Variants in C8orf34 observed in about 807,000 individuals in gnomAD.
C8orf34 encodes uncharacterized protein C8orf34.
Under a neutral mutation model 68.3 loss-of-function variants are expected in C8orf34, and 65 were observed. The observed-to-expected ratio is 0.95, with a 90% CI of 0.78 to 1.17. C8orf34 has a LOEUF of 1.17. Ranked by LOEUF, C8orf34 falls within the 50% of genes most tolerant of loss-of-function variation. C8orf34 has a pLI of 0.00. For synonymous variants in C8orf34, 244 were observed against 241.2 expected (o/e 1.01, Z -0.11); for missense variants, 664 against 655.4 (o/e 1.01, Z -0.14).
intron 7 of C8orf34, among the ~76,000 whole-genome samples, chr8:68,586,615 C>A (rs550062826): frequency 6.6e-6 from 1 of 152,282 alleles, no homozygotes; most frequent in Admixed American, 6.5e-5. Context: ...ACCCTTCAGG[C>A]ACCTCACATT....
intron 1 of C8orf34, among the ~76,000 whole-genome samples, chr8:68,427,310 T>G (rs1022946717): frequency 7.2e-5 from 11 of 152,260 alleles, no homozygotes; most frequent in Admixed American, 7.2e-4. Flanking sequence ...AGGTTATTAA[T>G]GAATGGTTAA....
At chr8:68,613,977 G>A (rs13257138) in intron 7 of C8orf34, among the ~76,000 whole-genome samples, 5 of 151,944 alleles carry the variant, frequency 3.3e-5, no homozygotes, top group African/African-American at 1.2e-4. Context: ...TTAATGATTG[G>A]CATTCTAACT....
intron 7 of C8orf34, among the ~76,000 whole-genome samples, chr8:68,612,184 A>C (rs1818042921): frequency 6.6e-6 from 1 of 152,068 alleles, no homozygotes; most frequent in Non-Finnish European, 1.5e-5. Context: ...ATCACTTCCC[A>C]AACTAATATC....
At chr8:68,627,782 G>A (rs907129442) in intron 7 of C8orf34, among the ~76,000 whole-genome samples, 9 of 152,156 alleles carry the variant, frequency 5.9e-5, no homozygotes, top group African/African-American at 2.2e-4. Context: ...GAAGTCTTGT[G>A]ATTCATTTGC....
intron 1 of C8orf34, among the ~76,000 whole-genome samples, chr8:68,408,450 G>T (rs890753383): frequency 6.6e-6 from 1 of 151,886 alleles, no homozygotes; most frequent in Non-Finnish European, 1.5e-5. Context: ...CTGCTCCCTG[G>T]TGCCAAAAAG....
intron 8 of C8orf34, among the ~76,000 whole-genome samples, chr8:68,673,390 G>A (rs1374752609): frequency 6.6e-6 from 1 of 152,038 alleles, no homozygotes; most frequent in Non-Finnish European, 1.5e-5. Context: ...CCTGCCTGGG[G>A]TCAGAGGAGA....
intron 8 of C8orf34, among the ~76,000 whole-genome samples, chr8:68,696,878 C>G (rs1820849650): frequency 6.6e-6 from 1 of 152,006 alleles, no homozygotes; most frequent in Non-Finnish European, 1.5e-5. Context: ...AACGACCTCA[C>G]TGCTATTTAA....
chr8:68,374,678 T>C (rs893718951), intron 1 of C8orf34, among the ~76,000 whole-genome samples: 5 of 152,208 alleles, frequency 3.3e-5, no homozygotes, highest in African/African-American at 1.2e-4. Flanking sequence ...AAGTAGTTAT[T>C]ATTATCATTT....
chr8:68,484,419 G>C (rs2129631278), intron 4 of C8orf34, among the ~76,000 whole-genome samples: 1 of 152,240 alleles, frequency 6.6e-6, no homozygotes, highest in East Asian at 1.9e-4. Flanking sequence ...GCTCTAGTTT[G>C]ACTTTTACAA....
At chr8:68,523,517 T>C (rs1479176813) in intron 6 of C8orf34, among the ~76,000 whole-genome samples, 1 of 152,084 alleles carries the variant, frequency 6.6e-6, no homozygotes, top group Non-Finnish European at 1.5e-5. Context: ...TTCAGCTTTA[T>C]TTTGCTCTGT....
At chr8:68,407,063 A>ATCTATG (rs1175441563) in intron 1 of C8orf34, among the ~76,000 whole-genome samples, 6 of 152,190 alleles carry the variant, frequency 3.9e-5, no homozygotes, top group Non-Finnish European at 8.8e-5. Flanking sequence ...ATCTACATAG[A>ATCTATG]GGAATCATAC....
At chr8:68,482,946 A>G (rs1438483210) in intron 4 of C8orf34, among the ~76,000 whole-genome samples, 3 of 151,526 alleles carry the variant, frequency 2.0e-5, no homozygotes, top group Admixed American at 1.3e-4. Context: ...ACAAGAAAGA[A>G]TTGGGGAGTC....
chr8:68,592,539 T>G (rs918235719), intron 7 of C8orf34, among the ~76,000 whole-genome samples: 2 of 151,868 alleles, frequency 1.3e-5, no homozygotes, highest in Non-Finnish European at 2.9e-5. Flanking sequence ...GTTACTTCTG[T>G]TAGTTTTTTT....
intron 7 of C8orf34, among the ~76,000 whole-genome samples, chr8:68,614,202 TG>T (rs1473818796): frequency 1.3e-5 from 2 of 152,060 alleles, no homozygotes; most frequent in African/African-American, 4.8e-5. Context: ...CTTTGTCAGA[TG>T]AGTAGGTTGC....
chr8:68,632,600 G>C (rs969314032), intron 7 of C8orf34, among the ~76,000 whole-genome samples: 2 of 152,142 alleles, frequency 1.3e-5, no homozygotes, highest in African/African-American at 4.8e-5. Context: ...GCATGTCAGA[G>C]ATCTTCACAG....
intron 9 of C8orf34, among the ~76,000 whole-genome samples, chr8:68,711,959 G>A (rs947298090): frequency 6.6e-6 from 1 of 152,102 alleles, no homozygotes; most frequent in Non-Finnish European, 1.5e-5. Context: ...ACCTATAAAG[G>A]AAAACCTATC....
chr8:68,715,961 T>A (rs1374495914), intron 9 of C8orf34, among the ~76,000 whole-genome samples: 2 of 152,096 alleles, frequency 1.3e-5, no homozygotes, highest in African/African-American at 4.8e-5. Flanking sequence ...ATGATATATA[T>A]ACACCATGAA....
intron 3 of C8orf34, among the ~76,000 whole-genome samples, chr8:68,466,619 T>C (rs1812147902): frequency 6.6e-6 from 1 of 151,494 alleles, no homozygotes; most frequent in Non-Finnish European, 1.5e-5. Flanking sequence ...TGGGAGATAA[T>C]TTATTCAGCC....
At chr8:68,492,669 A>G (rs1330598093) in intron 5 of C8orf34, among the ~76,000 whole-genome samples, 2 of 152,054 alleles carry the variant, frequency 1.3e-5, no homozygotes, top group Non-Finnish European at 2.9e-5. Context: ...CAGTACTTCT[A>G]GGTCATAGTT....
Sources: gnomAD v4.1 joint callset for allele counts (sites outside exome capture counted in the v4.1 genomes callset) on GRCh38, gnomAD v4.1.1 for gene constraint, MANE v1.5 for transcripts, NCBI Gene and HGNC (gene_info 2026-07-23, HGNC 2026-07-21) for gene names.